The following RUSC2 variants were observed in gnomAD, a reference collection of about 807,000 sequenced individuals.
RUSC2 encodes RUN and SH3 domain containing 2, also known as AP-4 complex accessory subunit RUSC2.
RUSC2 carries 34 observed loss-of-function variants against 122.2 expected under a neutral mutation model. The ratio of observed to expected loss-of-function variants is 0.28; its 90% CI spans 0.21 to 0.37. The LOEUF (loss-of-function observed/expected upper bound fraction) is 0.37. Among genes scored for constraint, RUSC2 ranks in the 10% least tolerant of loss-of-function variants. RUSC2 has a pLI of 1.00. For synonymous variants in RUSC2, 784 were observed against 790.0 expected, an observed-to-expected ratio of 0.99 and a Z score of 0.13; for missense variants, 1,747 against 1,952.4, an observed-to-expected ratio of 0.89 and a Z score of 1.98.
rs1304840906 is a variant in RUSC2, at chr9:35,532,035, CAAAAA to C, written c.-92-14394_-92-14390del. On this transcript the variant is annotated intron_variant, in intron 1 of 11. Transcript: ENST00000361226. ...AGCAAGACTCTGTCTAAAAACAAAA[CAAAAA>C]GAAATTAAGTCAATGCCCGAAACAT... Among the ~76,000 whole-genome samples, 11 of 152,008 alleles carry C rather than the reference CAAAAA, an allele frequency of 7.2e-5. No individual in the cohort carries two copies. In the East Asian group the frequency reaches 1.9e-3, roughly 27 times the overall value.
intron 1 of RUSC2, among the ~76,000 whole-genome samples, chr9:35,512,863 G>T (rs1821033181): frequency 6.6e-6 from 1 of 151,954 alleles, no homozygotes. Flanking sequence ...TAAAACCTCT[G>T]GGCCCCTGGG....
At chr9:35,507,816 T>G (rs1313655002) in intron 1 of RUSC2, 1 of 214,358 alleles carries the variant, frequency 4.7e-6, no homozygotes, top group Non-Finnish European at 1.0e-5. Flanking sequence ...AATGTGGCTA[T>G]TAAGAGATGC....
intron 1 of RUSC2, among the ~76,000 whole-genome samples, chr9:35,501,249 C>G (rs1820812727): frequency 6.6e-6 from 1 of 152,190 alleles, no homozygotes; most frequent in African/African-American, 2.4e-5. Flanking sequence ...TTTTCAAAGT[C>G]CCCTGAAGGA....
chr9:35,508,421 G>A (rs1820955507), intron 1 of RUSC2, among the ~76,000 whole-genome samples: 1 of 152,166 alleles, frequency 6.6e-6, no homozygotes, highest in Non-Finnish European at 1.5e-5. Context: ...ATGACTACTG[G>A]AGCCATGCTC....
rs751838583 is a variant in RUSC2 at position 35,548,580 on chromosome 9, G to A, written c.2014+45G>A. The stretch of plus-strand genomic sequence containing the variant: ...GCAAATATGTGGCTATTCACCAGCA[G>A]GATATGCATGGCCACCTCCCTGACA... On this transcript the variant is annotated intron_variant, in intron 2 of 11. Coordinates refer to ENST00000361226, the MANE Select transcript of RUSC2 (RefSeq NM_014806.5). The surrounding 1 kb of genome is among the most constrained non-coding windows in gnomAD (Gnocchi z 4.5). 67 of 1,532,722 alleles carry A rather than the reference G, an allele frequency of 4.4e-5. 1 individual carries two copies. In the South Asian group the frequency reaches 8.2e-4, roughly 19 times the overall value. 94.9% of individuals were successfully genotyped at this position (1,532,722 alleles called of 1,614,324 possible).
chr9:35,542,467 A>G, intron 1 of RUSC2, among the ~76,000 whole-genome samples: 1 of 152,330 alleles, frequency 6.6e-6, no homozygotes, highest in Admixed American at 6.5e-5. Context: ...ACTATTTATC[A>G]AAAAACACAG....
chr9:35,546,499 A>G lies in RUSC2; in HGVS notation c.-23A>G. 1 of 1,395,386 alleles carries G rather than the reference A, an allele frequency of 7.2e-7. No individual in the cohort carries two copies. Among genetic ancestry groups the G allele is most frequent in the Non-Finnish European group, 9.3e-7 (1 of 1,069,728 alleles). 86.4% of individuals were successfully genotyped at this position (1,395,386 alleles called of 1,614,324 possible). On this transcript the variant is annotated 5_prime_UTR_variant, in exon 2 of 12. Coordinates refer to ENST00000361226, the MANE Select transcript of RUSC2 (RefSeq NM_014806.5). The surrounding 1 kb of genome is among the most constrained non-coding windows in gnomAD (Gnocchi z 4.3). ...CAGGGACAGTGTCTGGTGCTGTTGA[A>G]GCCCTTATTCGAACTTTCCAGAATG...
chr9:35,531,485 G>A (rs998887537), intron 1 of RUSC2, among the ~76,000 whole-genome samples: 1 of 152,124 alleles, frequency 6.6e-6, no homozygotes, highest in Non-Finnish European at 1.5e-5. Context: ...GTAGGGATAG[G>A]AACTGGAGAG....
chr9:35,499,415 GA>G (rs1392040929), intron 1 of RUSC2, among the ~76,000 whole-genome samples: 1 of 152,190 alleles, frequency 6.6e-6, no homozygotes, highest in Non-Finnish European at 1.5e-5. Flanking sequence ...ACTTTAGGAA[GA>G]AACCCTCTGT....
At chr9:35,543,877 A>C (rs559824827) in intron 1 of RUSC2, among the ~76,000 whole-genome samples, 164 of 152,304 alleles carry the variant, frequency 1.1e-3, no homozygotes, top group African/African-American at 3.7e-3. Context: ...GATTGTGCCC[A>C]ATTTTTTGGC....
At position 35,560,278 on chromosome 9, in the gene RUSC2, G is replaced by A. The variant is rs1284145146; in HGVS notation, c.3638G>A (p.Gly1213Asp). 5.0e-6 allele frequency: 8 copies of A among 1,591,074 alleles called. No homozygotes were observed. Among genetic ancestry groups the A allele is most frequent in the African/African-American group, 1.3e-5 (1 of 74,494 alleles). The change falls in exon 10 of 12, where the codon GGC becomes GAC. Residue 1213 changes from glycine (G) to aspartate (D), a missense_variant. Gly to Asp is a moderately conservative substitution (Grantham distance 94). Transcript: ENST00000361226. ...HSTLQLARAR[G>D]QEGPGDVDRA... ...ACGCTGCAGCTGGCCCGGGCCCGGGGCCAGGAGGGCCCTGGAGACGTGGAC... is the reference window on the plus strand; with the variant it reads ...ACGCTGCAGCTGGCCCGGGCCCGGGACCAGGAGGGCCCTGGAGACGTGGAC...
At position 35,546,918 on chromosome 9, in the gene RUSC2, C is replaced by A; in HGVS notation, c.397C>A (p.Leu133Met). 1 of 1,574,358 alleles carries A rather than the reference C, an allele frequency of 6.4e-7. No homozygotes were observed. The highest frequency in any genetic ancestry group is 8.6e-7 in the Non-Finnish European group (1 of 1,160,090). Reference protein sequence around the residue: ...GDSATQQSFHLHGTGQPNFHL... With the variant: ...GDSATQQSFHMHGTGQPNFHL... Reference sequence around the variant, plus strand: ...CAGTGCCACCCAGCAGTCCTTCCACCTGCATGGCACTGGCCAGCCCAACTT... The same window carrying A: ...CAGTGCCACCCAGCAGTCCTTCCACATGCATGGCACTGGCCAGCCCAACTT... The change falls in exon 2 of 12, where the codon CTG becomes ATG. Residue 133 changes from leucine to methionine, a missense_variant. By Grantham distance (15) the Leu-to-Met change is conservative. Coordinates refer to ENST00000361226, the MANE Select transcript of RUSC2 (RefSeq NM_014806.5). The surrounding 1 kb of genome is among the most constrained non-coding windows in gnomAD (Gnocchi z 4.3).
intron 1 of RUSC2, among the ~76,000 whole-genome samples, chr9:35,505,370 T>G (rs1465337390): frequency 6.6e-6 from 1 of 152,194 alleles, no homozygotes; most frequent in Non-Finnish European, 1.5e-5. Context: ...GATCCCTTCC[T>G]TAGTCCCCGA....
At chr9:35,523,333 T>C (rs754446685) in intron 1 of RUSC2, among the ~76,000 whole-genome samples, 3 of 152,224 alleles carry the variant, frequency 2.0e-5, no homozygotes, top group Non-Finnish European at 4.4e-5. Flanking sequence ...ATGTACTCAA[T>C]GTTAATTGCT....
intron 1 of RUSC2, among the ~76,000 whole-genome samples, chr9:35,516,489 A>G (rs536240975): frequency 6.6e-6 from 1 of 152,326 alleles, no homozygotes; most frequent in South Asian, 2.1e-4. Flanking sequence ...TTAAGCAGAA[A>G]CAGAAAGATA....
chr9:35,530,703 G>A (rs1587851795), intron 1 of RUSC2, among the ~76,000 whole-genome samples: 1 of 151,864 alleles, frequency 6.6e-6, no homozygotes, highest in Non-Finnish European at 1.5e-5. Flanking sequence ...ACAGTGGTGC[G>A]ATCTCTGCTC....
In RUSC2 at chr9:35,555,438, C is replaced by T. The variant is rs780101878; in HGVS notation, c.2393C>T (p.Ser798Phe). Residue 798 changes from serine to phenylalanine, a missense_variant, in exon 3 of 12, where the codon TCC becomes TTC. Physicochemically the swap from Ser to Phe is radical, Grantham distance 155. Coordinates refer to ENST00000361226, the MANE Select transcript of RUSC2 (RefSeq NM_014806.5). The surrounding 1 kb of genome is among the most constrained non-coding windows in gnomAD (Gnocchi z 4.6). ...PFGPSTDSSASTSCSPPPEQP... is the reference protein window; with the variant it reads ...PFGPSTDSSAFTSCSPPPEQP... ...GGGCCCAGCACTGACTCTTCTGCCT[C>T]CACTTCGTGCTCCCCTCCCCCAGAG... 6.2e-7 allele frequency: 1 copy of T among 1,614,270 alleles called. No homozygotes were observed. Among genetic ancestry groups the T allele is most frequent in the Non-Finnish European group, 8.5e-7 (1 of 1,180,052 alleles).
chr9:35,505,710 TAAC>T (rs1237986812), intron 1 of RUSC2, among the ~76,000 whole-genome samples: 1 of 152,164 alleles, frequency 6.6e-6, no homozygotes, highest in Admixed American at 6.5e-5. Context: ...ATATTTGCCT[TAAC>T]AAATTAATTT....
intron 1 of RUSC2, among the ~76,000 whole-genome samples, chr9:35,528,068 A>G (rs1044618765): frequency 4.6e-5 from 7 of 152,148 alleles, no homozygotes; most frequent in African/African-American, 1.7e-4. Flanking sequence ...TCTCCTATAT[A>G]CTGAGAGACC....
Sources: gnomAD v4.1 joint callset for allele counts (sites outside exome capture counted in the v4.1 genomes callset) on GRCh38, gnomAD v4.1.1 for gene constraint, Gnocchi (gnomAD v3.1) non-coding constraint, MANE v1.5 for transcripts, NCBI Gene and HGNC (gene_info 2026-07-23, HGNC 2026-07-21) for gene names.